KLHL32: variants seen among roughly 807,000 people sequenced by gnomAD.
The protein encoded by KLHL32 is kelch-like protein 32.
KLHL32 carries 35 observed loss-of-function variants against 64.8 expected under a neutral mutation model. The ratio of observed to expected loss-of-function variants is 0.54; its 90% CI spans 0.41 to 0.72. The LOEUF is 0.72. Among genes scored for constraint, KLHL32 ranks in the 30% least tolerant of loss-of-function variants. KLHL32 has a pLI of 0.00. For synonymous variants in KLHL32, 259 were observed against 281.0 expected (o/e 0.92, Z 0.78); for missense variants, 589 against 768.5 (o/e 0.77, Z 2.76).
At chr6:97,096,841 C>CG (rs1423544867) in intron 6 of KLHL32, among the ~76,000 whole-genome samples, 1 of 152,188 alleles carries the variant, frequency 6.6e-6, no homozygotes, top group Admixed American at 6.5e-5. Context: ...AGCAGTGAGA[C>CG]GGGGGGAAAA....
Position 97,132,713 on chromosome 6 carries a change from C to T in KLHL32, c.1667C>T (p.Ser556Leu). 1 of 1,613,020 alleles carries T rather than the reference C, an allele frequency of 6.2e-7. No individual in the cohort carries two copies. The highest frequency in any genetic ancestry group is 8.5e-7 in the Non-Finnish European group (1 of 1,179,404). The part of the protein sequence containing the change: ...NGRIYLVGGY[S>L]IWTNEPLACI... ...AGAATATATTTAGTTGGTGGATATT[C>T]AATTTGGACAAATGAGCCTCTGGCT... The change falls in exon 10 of 11, where the codon TCA becomes TTA. Residue 556 changes from serine (S) to leucine (L), a missense_variant. Transcript: ENST00000369261.
At chr6:97,065,432 C>T (rs978577383) in intron 5 of KLHL32, among the ~76,000 whole-genome samples, 1 of 152,100 alleles carries the variant, frequency 6.6e-6, no homozygotes, top group Non-Finnish European at 1.5e-5. Flanking sequence ...TTCCAAAGAC[C>T]ATTTCTTGGT....
At chr6:97,025,227 A>G (rs1459681905) in intron 3 of KLHL32, 1 of 680,854 alleles carries the variant, frequency 1.5e-6, no homozygotes, top group Non-Finnish European at 1.8e-6. Context: ...TTTGGAACGA[A>G]TTGTCCATAG....
In KLHL32 at chr6:97,085,170, C is replaced by T. The variant is rs1326091926; in HGVS notation, c.456C>T (p.Asp152=). ...ACTTGGATCTGTACAGACTTGCTGA[C>T]CTCTTTAACCTCACTTTGTTGGAGA... is the stretch of plus-strand genomic sequence containing the variant. ...FNYLDLYRLA[D]LFNLTLLEKA... Residue 152 remains aspartate (D), a synonymous_variant, in exon 6 of 11, where the codon GAC becomes GAT. Transcript: ENST00000369261. 5 of 1,613,830 alleles carry T rather than the reference C, an allele frequency of 3.1e-6. No individual in the cohort carries two copies. The highest frequency in any genetic ancestry group is 4.2e-6 in the Non-Finnish European group (5 of 1,180,010).
At chr6:97,099,174 T>G (rs1287724821) in intron 6 of KLHL32, among the ~76,000 whole-genome samples, 1 of 152,204 alleles carries the variant, frequency 6.6e-6, no homozygotes, top group African/African-American at 2.4e-5. Flanking sequence ...TCTTCCCTCA[T>G]ACACCTGCAT....
chr6:97,053,003 G>C (rs918196611), intron 4 of KLHL32, among the ~76,000 whole-genome samples: 4 of 151,876 alleles, frequency 2.6e-5, no homozygotes, highest in Non-Finnish European at 5.9e-5. Context: ...TCTTGCATTA[G>C]GTTACATTTC....
intron 3 of KLHL32, among the ~76,000 whole-genome samples, chr6:96,983,792 A>G (rs965204678): frequency 2.0e-5 from 3 of 152,026 alleles, no homozygotes; most frequent in African/African-American, 7.3e-5. Flanking sequence ...TAGTCTTGCT[A>G]GCGGTCTATC....
intron 3 of KLHL32, among the ~76,000 whole-genome samples, chr6:97,040,354 T>G (rs1214307655): frequency 6.6e-6 from 1 of 152,074 alleles, no homozygotes; most frequent in African/African-American, 2.4e-5. Flanking sequence ...ATTTGTCAAG[T>G]TTTTGTCTTT....
intron 3 of KLHL32, among the ~76,000 whole-genome samples, chr6:97,033,344 A>G (rs1783848458): frequency 6.6e-6 from 1 of 152,234 alleles, no homozygotes; most frequent in South Asian, 2.1e-4. Context: ...ATTGTTGCAA[A>G]TGGCAGGATT....
chr6:97,065,867 T>C (rs1219523476), intron 5 of KLHL32, among the ~76,000 whole-genome samples: 1 of 152,172 alleles, frequency 6.6e-6, no homozygotes, highest in African/African-American at 2.4e-5. Flanking sequence ...GAACCAGCAC[T>C]TCCCAGGGAG....
At chr6:96,974,855 C>A (rs773918449) in intron 2 of KLHL32, among the ~76,000 whole-genome samples, 2 of 152,204 alleles carry the variant, frequency 1.3e-5, no homozygotes, top group Non-Finnish European at 2.9e-5. Flanking sequence ...GGGTTGGATA[C>A]AGGAATTACC....
At chr6:96,961,186 T>C (rs1467899426) in intron 1 of KLHL32, among the ~76,000 whole-genome samples, 1 of 152,206 alleles carries the variant, frequency 6.6e-6, no homozygotes, top group Non-Finnish European at 1.5e-5. Context: ...CAGAGTCAGG[T>C]TGGAAAGTCA....
intron 5 of KLHL32, among the ~76,000 whole-genome samples, chr6:97,067,270 T>C (rs1354458884): frequency 2.0e-5 from 3 of 152,162 alleles, no homozygotes; most frequent in Non-Finnish European, 4.4e-5. Context: ...CCTTTCTCTT[T>C]CATTTCCTCT....
intron 8 of KLHL32, among the ~76,000 whole-genome samples, chr6:97,129,110 A>G (rs1340651805): frequency 6.6e-6 from 1 of 152,258 alleles, no homozygotes; most frequent in African/African-American, 2.4e-5. Flanking sequence ...GAACAGATAA[A>G]TGCAAGCTTT....
chr6:96,936,395 A>G (rs1770602201), intron 1 of KLHL32, among the ~76,000 whole-genome samples: 1 of 152,190 alleles, frequency 6.6e-6, no homozygotes, highest in Non-Finnish European at 1.5e-5. Context: ...ATAGTTCCCT[A>G]TACATGCTTT....
At chr6:97,040,038 A>C (rs901313758) in intron 3 of KLHL32, among the ~76,000 whole-genome samples, 1 of 152,158 alleles carries the variant, frequency 6.6e-6, no homozygotes, top group Non-Finnish European at 1.5e-5. Flanking sequence ...TAAATAAATA[A>C]ATAAAATTGC....
the KLHL32 span, among the ~76,000 whole-genome samples, chr6:96,913,700 G>T: frequency 6.6e-6 from 1 of 152,160 alleles, no homozygotes; most frequent in African/African-American, 2.4e-5. Context: ...GAAAAATTTT[G>T]AAAGAAAGTA....
chr6:96,947,075 G>T (rs377725857), intron 1 of KLHL32, among the ~76,000 whole-genome samples: 8 of 152,204 alleles, frequency 5.3e-5, no homozygotes, highest in African/African-American at 1.7e-4. Context: ...ATTAGGCTGA[G>T]ACGGCTCCAG....
At chr6:97,095,566 G>A (rs1171762836) in intron 6 of KLHL32, among the ~76,000 whole-genome samples, 4 of 152,220 alleles carry the variant, frequency 2.6e-5, no homozygotes, top group African/African-American at 4.8e-5. Flanking sequence ...TCGACCCCAT[G>A]TGTAGTCAGT....
Sources: gnomAD v4.1 joint callset for allele counts (sites outside exome capture counted in the v4.1 genomes callset) on GRCh38, gnomAD v4.1.1 for gene constraint, MANE v1.5 for transcripts, NCBI Gene and HGNC (gene_info 2026-07-23, HGNC 2026-07-21) for gene names.